CDH18: variants seen among roughly 807,000 people sequenced by gnomAD.
CDH18 encodes the protein cadherin-18.
Under a neutral mutation model 67.9 loss-of-function variants are expected in CDH18, and 31 were observed. That is an observed-to-expected ratio of 0.46 (90% CI 0.34 to 0.62). The LOEUF (loss-of-function observed/expected upper bound fraction) is 0.62, where lower values mean the gene tolerates loss of function less well. Ranked by LOEUF, CDH18 falls within the 20% of genes least tolerant of loss-of-function variation. CDH18 has a pLI of 0.01. For missense variants in CDH18, 890 were observed against 975.5 expected (o/e 0.91, Z 1.17); for synonymous variants, 362 against 347.2 (o/e 1.04, Z -0.48).
intron 1 of CDH18, among the ~76,000 whole-genome samples, chr5:20,300,481 T>C (rs1282493560): frequency 6.6e-6 from 1 of 152,092 alleles, no homozygotes; most frequent in African/African-American, 2.4e-5. Flanking sequence ...AATTTTAACA[T>C]ACTTTTTAGG....
At chr5:20,409,723 T>C in intron 1 of CDH18, among the ~76,000 whole-genome samples, 1 of 151,132 alleles carries the variant, frequency 6.6e-6, no homozygotes, top group South Asian at 2.1e-4. Flanking sequence ...GAGTTAATAT[T>C]TTGAAAAAAA....
intron 1 of CDH18, among the ~76,000 whole-genome samples, chr5:20,270,075 C>A (rs1376312970): frequency 6.6e-6 from 1 of 151,552 alleles, no homozygotes; most frequent in Non-Finnish European, 1.5e-5. Flanking sequence ...GACCTGAATG[C>A]TTCAAAAATA....
intron 1 of CDH18, among the ~76,000 whole-genome samples, chr5:20,506,442 T>A (rs1393576503): frequency 6.6e-6 from 1 of 152,234 alleles, no homozygotes; most frequent in East Asian, 1.9e-4. Flanking sequence ...GTAAGTGGCC[T>A]TTAGAGCAGA....
At chr5:20,501,969 T>C (rs1417865203) in intron 1 of CDH18, among the ~76,000 whole-genome samples, 1 of 151,838 alleles carries the variant, frequency 6.6e-6, no homozygotes, top group East Asian at 1.9e-4. Flanking sequence ...ATTCTAAAGT[T>C]AAATGACAGA....
At chr5:19,699,454 A>C (rs1481170487) in intron 5 of CDH18, among the ~76,000 whole-genome samples, 1 of 152,122 alleles carries the variant, frequency 6.6e-6, no homozygotes, top group African/African-American at 2.4e-5. Context: ...GTTTCCCCAA[A>C]AATTTTATAA....
chr5:20,134,724 T>G (rs774261988), intron 2 of CDH18, among the ~76,000 whole-genome samples: 1 of 152,120 alleles, frequency 6.6e-6, no homozygotes, highest in Non-Finnish European at 1.5e-5. Context: ...TTTTGTTTTG[T>G]TTTGGTTCTT....
chr5:19,651,921 A>AAAGAAAAAT (rs1225428683), intron 5 of CDH18, among the ~76,000 whole-genome samples: 20 of 152,100 alleles, frequency 1.3e-4, no homozygotes, highest in African/African-American at 4.6e-4. Context: ...TTAGAAAATA[A>AAAGAAAAAT]AAGAAAAATA....
At chr5:20,206,459 G>C (rs1266488802) in intron 2 of CDH18, among the ~76,000 whole-genome samples, 1 of 151,592 alleles carries the variant, frequency 6.6e-6, no homozygotes, top group African/African-American at 2.4e-5. Context: ...ATTAAAGCTT[G>C]GAATATTTCC....
At chr5:19,497,196 A>G (rs1243727960) in intron 11 of CDH18, among the ~76,000 whole-genome samples, 1 of 152,188 alleles carries the variant, frequency 6.6e-6, no homozygotes, top group Admixed American at 6.5e-5. Flanking sequence ...AAGGCTGACA[A>G]TGATTGTAAA....
At chr5:20,134,956 T>C (rs1297188571) in intron 2 of CDH18, among the ~76,000 whole-genome samples, 2 of 152,168 alleles carry the variant, frequency 1.3e-5, no homozygotes, top group Non-Finnish European at 2.9e-5. Flanking sequence ...GCTTCTCCAG[T>C]GGCATAACTT....
At chr5:20,223,535 G>T (rs535938866) in intron 2 of CDH18, among the ~76,000 whole-genome samples, 2 of 152,194 alleles carry the variant, frequency 1.3e-5, no homozygotes, top group South Asian at 4.1e-4. Flanking sequence ...GTTTTGAAAT[G>T]TGAGGGCATG....
chr5:20,501,493 T>TG, intron 1 of CDH18, among the ~76,000 whole-genome samples: 5 of 36,242 alleles, frequency 1.4e-4, no homozygotes, highest in Non-Finnish European at 2.2e-4. Flanking sequence ...TATATATATT[T>TG]TATATACATA....
chr5:19,895,298 T>C (rs967358541), intron 2 of CDH18, among the ~76,000 whole-genome samples: 2 of 152,166 alleles, frequency 1.3e-5, no homozygotes, highest in Non-Finnish European at 2.9e-5. Context: ...TGCCAGGAAG[T>C]ATAAGAAGAA....
intron 2 of CDH18, among the ~76,000 whole-genome samples, chr5:20,159,526 C>T (rs775680433): frequency 2.0e-5 from 3 of 152,064 alleles, no homozygotes; most frequent in South Asian, 2.1e-4. Flanking sequence ...CTCTTTTGTA[C>T]GTTTTTCTGG....
chr5:20,379,280 G>A (rs1333939729), intron 1 of CDH18, among the ~76,000 whole-genome samples: 1 of 152,008 alleles, frequency 6.6e-6, no homozygotes, highest in Non-Finnish European at 1.5e-5. Context: ...AATATTGCTA[G>A]ATCTTATAAA....
intron 10 of CDH18, among the ~76,000 whole-genome samples, chr5:19,506,819 A>G (rs2126794059): frequency 6.6e-6 from 1 of 152,356 alleles, no homozygotes; most frequent in East Asian, 1.9e-4. Context: ...AAACCTAGGC[A>G]TTACCATTCA....
chr5:20,291,831 A>G (rs994624362), intron 1 of CDH18, among the ~76,000 whole-genome samples: 1 of 152,188 alleles, frequency 6.6e-6, no homozygotes, highest in African/African-American at 2.4e-5. Flanking sequence ...TTGATCCTAA[A>G]CTGCCTTTAT....
intron 1 of CDH18, among the ~76,000 whole-genome samples, chr5:20,497,210 G>A (rs776938020): frequency 1.1e-4 from 16 of 152,068 alleles, no homozygotes; most frequent in Non-Finnish European, 2.2e-4. Flanking sequence ...GAACCAGGTT[G>A]TTTTGAGCCT....
intron 1 of CDH18, among the ~76,000 whole-genome samples, chr5:20,267,867 A>G (rs748617291): frequency 3.3e-5 from 5 of 152,166 alleles, no homozygotes; most frequent in Admixed American, 1.3e-4. Flanking sequence ...TTTGTGTGAC[A>G]GTGAAGTTTG....
Sources: allele counts gnomAD v4.1 joint callset (sites outside exome capture counted in the v4.1 genomes callset), GRCh38; gene constraint gnomAD v4.1.1; transcripts MANE v1.5; gene names NCBI Gene and HGNC (gene_info 2026-07-23, HGNC 2026-07-21).